Variants in CREBRF observed in about 807,000 individuals in gnomAD.
The protein encoded by CREBRF is UPF0474 protein C5orf41.
In CREBRF, 5 loss-of-function variants were observed where a neutral mutation model predicts 66.1. The ratio of observed to expected loss-of-function variants is 0.08; its 90% CI spans 0.04 to 0.16. CREBRF has a LOEUF of 0.16. CREBRF is among the 10% of genes least tolerant of loss of function. The pLI is 1.00. For missense variants in CREBRF, 531 were observed against 744.9 expected (o/e 0.71, Z 3.34); for synonymous variants, 229 against 264.4 (o/e 0.87, Z 1.30).
rs942760323 is a variant in CREBRF, at chr5:173,086,189, A to T, written c.10-312A>T. On this transcript the variant is annotated intron_variant, in intron 2 of 8. Transcript: ENST00000296953. ...TGCCAACAGCACCATCACCCACAAC[A>T]TATTTAATTGTCTGCATTGCTGAAA... The T allele has an allele frequency of 3.9e-6, 3 of 770,342 alleles. No homozygotes were observed. In the African/African-American group the frequency reaches 5.1e-5, roughly 13 times the overall value. The allele number at this position is 770,342 out of a possible 1,614,324, so 47.7% of individuals were successfully genotyped here.
chr5:173,078,225 C>T (rs958314292), intron 1 of CREBRF, among the ~76,000 whole-genome samples: 2 of 152,158 alleles, frequency 1.3e-5, no homozygotes, highest in Admixed American at 1.3e-4. Context: ...TTGTTATTTT[C>T]CACTTTTTGG....
Position 173,056,409 on chromosome 5 carries a change from C to G in CREBRF, c.-262C>G. 2.5e-6 allele frequency: 1 copy of G among 398,302 alleles called. No homozygotes were observed. The highest frequency in any genetic ancestry group is 4.4e-6 in the Non-Finnish European group (1 of 225,816). 24.7% of individuals were successfully genotyped at this position (398,302 alleles called of 1,614,324 possible). On this transcript the variant is annotated 5_prime_UTR_variant, in exon 1 of 9. Coordinates refer to ENST00000296953, the MANE Select transcript of CREBRF (RefSeq NM_153607.3). Reference sequence around the variant, plus strand: ...GGACATAAACAAAACAAACCCGAGGCAGCATGGAGAGGGGCCGTGGCCCCT... The same window carrying G: ...GGACATAAACAAAACAAACCCGAGGGAGCATGGAGAGGGGCCGTGGCCCCT...
intron 1 of CREBRF, among the ~76,000 whole-genome samples, chr5:173,077,089 G>A (rs1301797082): frequency 1.3e-5 from 2 of 151,248 alleles, no homozygotes; most frequent in African/African-American, 2.4e-5. Flanking sequence ...GATTACAGGC[G>A]CCCGCCACCA....
chr5:173,107,311 G>A (rs953237846), intron 4 of CREBRF, among the ~76,000 whole-genome samples: 1 of 152,040 alleles, frequency 6.6e-6, no homozygotes, highest in African/African-American at 2.4e-5. Context: ...TACATTCTTC[G>A]CACAGCCCAT....
At chr5:173,129,549 C>T (rs72816150) in intron 8 of CREBRF, among the ~76,000 whole-genome samples, 5,711 of 151,812 alleles carry the variant, frequency 0.038, 137 homozygotes, top group South Asian at 0.091. Flanking sequence ...TAAGGAGACC[C>T]CATTTCTAGA....
At chr5:173,100,118 G>GTGTATATATATATA (rs70984939) in intron 4 of CREBRF, among the ~76,000 whole-genome samples, 1 of 88,332 alleles carries the variant, frequency 1.1e-5, no homozygotes, top group South Asian at 3.9e-4. Context: ...GTGTGTGTGT[G>GTGTATATATATATA]TATATATATA....
At position 173,086,624 on chromosome 5, in the gene CREBRF, C is replaced by T. The variant is rs1158809238; in HGVS notation, c.133C>T (p.Leu45=). The T allele has an allele frequency of 6.2e-7, 1 of 1,608,684 alleles. No homozygotes were observed. The highest frequency in any genetic ancestry group is 1.1e-5 in the South Asian group (1 of 90,094). ...NSSDPDFMYE[L]DREMNYQQNP... is the part of the protein sequence containing the mutation. ...TTCGGATCCAGATTTCATGTATGAA[C>T]TGGTAAGCAACATTTTCTTGGTTTT... Residue 45 remains leucine, a splice_region_variant and synonymous_variant, in exon 3 of 9, where the codon CTG becomes TTG. Coordinates refer to ENST00000296953, the MANE Select transcript of CREBRF (RefSeq NM_153607.3).
Position 173,133,928 on chromosome 5 carries a change from G to A in CREBRF, c.*183G>A. Reference sequence around the variant, plus strand: ...AAAATACTTGATTATTGCATTTTCAGAGCATAAACCATGATTAAAACTGCT... The same window carrying A: ...AAAATACTTGATTATTGCATTTTCAAAGCATAAACCATGATTAAAACTGCT... On this transcript the variant is annotated 3_prime_UTR_variant, in exon 9 of 9. Transcript: ENST00000296953. The A allele has an allele frequency of 2.4e-6, 1 of 417,576 alleles. No individual in the cohort carries two copies. The highest frequency in any genetic ancestry group is 4.1e-5 in the South Asian group (1 of 24,568). The allele number at this position is 417,576 out of a possible 1,614,324, so 25.9% of individuals were successfully genotyped here.
At position 173,122,966 on chromosome 5, in the gene CREBRF, T is replaced by C. The variant is rs191030728; in HGVS notation, c.1682-114T>C. On this transcript the variant is annotated intron_variant, in intron 7 of 8. Coordinates refer to ENST00000296953, the MANE Select transcript of CREBRF (RefSeq NM_153607.3). ...TGGCTGCATAGTATTCCATGGTGTATATGTGCCACATTTTCTTAATCCAGT... is the reference window on the plus strand; with the variant it reads ...TGGCTGCATAGTATTCCATGGTGTACATGTGCCACATTTTCTTAATCCAGT... The C allele has an allele frequency of 1.9e-3, 1,776 of 945,460 alleles. 13 individuals carry two copies. Among genetic ancestry groups the C allele is most frequent in the Non-Finnish European group, 7.4e-4 (477 of 641,238 alleles). 58.6% of individuals were successfully genotyped at this position (945,460 alleles called of 1,614,324 possible). A position where few individuals can be genotyped will look rare whatever the true frequency, so the allele number is the denominator to read the frequency against.
In CREBRF at chr5:173,086,554, C is replaced by A. The variant is rs770323307; in HGVS notation, c.63C>A (p.Thr21=). The A allele has an allele frequency of 2.5e-6, 4 of 1,613,800 alleles. No homozygotes were observed. The highest frequency in any genetic ancestry group is 2.5e-6 in the Non-Finnish European group (3 of 1,179,894). The change falls in exon 3 of 9, where the codon ACC becomes ACA. Residue 21 remains threonine, a synonymous_variant. Coordinates refer to ENST00000296953, the MANE Select transcript of CREBRF (RefSeq NM_153607.3). ...TCGGGGATGCCTTTCGAAGCCACACCTTTTCGGAACAAACTCTGATGAGCA... is the reference window on the plus strand; with the variant it reads ...TCGGGGATGCCTTTCGAAGCCACACATTTTCGGAACAAACTCTGATGAGCA... ...PPFGDAFRSH[T]FSEQTLMSTD...
At chr5:173,065,289 G>A (rs1037061816) in intron 1 of CREBRF, among the ~76,000 whole-genome samples, 6 of 152,174 alleles carry the variant, frequency 3.9e-5, no homozygotes, top group African/African-American at 1.4e-4. Flanking sequence ...GTGGGGTTGG[G>A]TATGAGATGG....
chr5:173,118,360 C>T (rs1759058838), intron 7 of CREBRF, among the ~76,000 whole-genome samples: 1 of 152,160 alleles, frequency 6.6e-6, no homozygotes, highest in Admixed American at 6.5e-5. Flanking sequence ...TTTGATGAAT[C>T]AATTTGTCAG....
intron 1 of CREBRF, among the ~76,000 whole-genome samples, chr5:173,073,899 G>A (rs542137379): frequency 6.6e-6 from 1 of 152,280 alleles, no homozygotes; most frequent in Admixed American, 6.5e-5. Flanking sequence ...CCTGGGAGGC[G>A]GAGGTTGTAG....
intron 4 of CREBRF, among the ~76,000 whole-genome samples, chr5:173,107,817 ATTTTTTTTT>A (rs559120882): frequency 6.3e-4 from 77 of 121,848 alleles, no homozygotes; most frequent in African/African-American, 7.6e-4. Context: ...TCTCTACAAA[ATTTTTTTTT>A]TTTTTTTTTT....
intron 1 of CREBRF, among the ~76,000 whole-genome samples, chr5:173,073,529 C>T (rs1341496311): frequency 6.6e-6 from 1 of 152,180 alleles, no homozygotes; most frequent in East Asian, 1.9e-4. Flanking sequence ...AAAATTGTTC[C>T]ATGCTCTTAT....
At chr5:173,085,115 G>A (rs1184802560) in intron 2 of CREBRF, among the ~76,000 whole-genome samples, 3 of 151,474 alleles carry the variant, frequency 2.0e-5, no homozygotes, top group Admixed American at 6.6e-5. Flanking sequence ...ACTAATTTTC[G>A]TATTTTTAGT....
At chr5:173,085,053 C>T (rs1360690818) in intron 2 of CREBRF, among the ~76,000 whole-genome samples, 1 of 152,086 alleles carries the variant, frequency 6.6e-6, no homozygotes, top group Non-Finnish European at 1.5e-5. Flanking sequence ...AGCGATTCTC[C>T]TGCCTCAGCC....
In CREBRF at chr5:173,090,140, A is replaced by G. The variant is rs1485207228; in HGVS notation, c.136-175A>G. ...TTTTTGTTTGTTTTATTTTCATTCT[A>G]CTTTTTCTTGCCTAAGGAAATGATG... On this transcript the variant is annotated intron_variant, in intron 3 of 8. Transcript: ENST00000296953. The surrounding 1 kb of genome is among the most constrained non-coding windows in gnomAD (Gnocchi z 4.5). 1.3e-5 allele frequency among the ~76,000 whole-genome samples: 2 copies of G among 152,026 alleles called. No homozygotes were observed. Among genetic ancestry groups the G allele is most frequent in the African/African-American group, 4.8e-5 (2 of 41,382 alleles).
Position 173,112,292 on chromosome 5 carries a change from C to T in CREBRF, c.1608-14C>T. ...AGAAAAAGAAAGTGAACTAACTGCT[C>T]CTTCCTTTCACAGAGCTTGTCGGTT... On this transcript the variant is annotated splice_polypyrimidine_tract_variant and intron_variant, in intron 6 of 8. Transcript: ENST00000296953. 1 of 1,561,132 alleles carries T rather than the reference C, an allele frequency of 6.4e-7. No homozygotes were observed. The highest frequency in any genetic ancestry group is 8.7e-7 in the Non-Finnish European group (1 of 1,154,254).
Sources: allele counts gnomAD v4.1 joint callset (sites outside exome capture counted in the v4.1 genomes callset), GRCh38; gene constraint gnomAD v4.1.1; non-coding constraint Gnocchi (gnomAD v3.1); transcripts MANE v1.5; gene names NCBI Gene and HGNC (gene_info 2026-07-23, HGNC 2026-07-21).